The following BOLL variants were observed in gnomAD, a reference collection of about 807,000 sequenced individuals.
BOLL encodes protein boule-like.
A neutral mutation model predicts 44.4 loss-of-function variants in BOLL; 23 were observed. The ratio of observed to expected loss-of-function variants is 0.52; its 90% confidence interval spans 0.37 to 0.73. The LOEUF (loss-of-function observed/expected upper bound fraction) is 0.73. Ranked by LOEUF, BOLL falls within the 30% of genes least tolerant of loss-of-function variation. BOLL has a pLI of 0.00. For synonymous variants in BOLL, 97 were observed against 110.8 expected, an observed-to-expected ratio of 0.88 and a Z score of 0.78; for missense variants, 287 against 338.3, an observed-to-expected ratio of 0.85 and a Z score of 1.19.
At chr2:197,768,175 C>CA (rs1486311406) in intron 6 of BOLL, among the ~76,000 whole-genome samples, 1 of 151,894 alleles carries the variant, frequency 6.6e-6, no homozygotes, top group African/African-American at 2.4e-5. Flanking sequence ...ATAAATTTGA[C>CA]AAAATGTGTC....
In BOLL at chr2:197,781,777, G is replaced by C; in HGVS notation, c.74C>G (p.Pro25Arg). 6.2e-7 allele frequency: 1 copy of C among 1,606,680 alleles called. No homozygotes were observed. Among genetic ancestry groups the C allele is most frequent in the Middle Eastern group, 1.7e-4 (1 of 6,030 alleles). Reference protein sequence around the residue: ...PVPLNNPTSAPRYGTVIPNRI... With the variant: ...PVPLNNPTSARRYGTVIPNRI... ...ATTAGGGATCACTGTTCCATATCTTGGGGCACTTGTTGGGTTATTCAAAGG... is the reference window on the plus strand; with the variant it reads ...ATTAGGGATCACTGTTCCATATCTTCGGGCACTTGTTGGGTTATTCAAAGG... The change falls in exon 2 of 11, where the codon CCA becomes CGA. Residue 25 changes from proline to arginine, a missense_variant. Pro to Arg is a moderately radical substitution (Grantham distance 103). Transcript: ENST00000392296.
Position 197,728,429 on chromosome 2 carries a change from AGG to A in BOLL, c.*124_*125del. On this transcript the variant is annotated 3_prime_UTR_variant, in exon 11 of 11. Coordinates refer to ENST00000392296, the MANE Select transcript of BOLL (RefSeq NM_033030.6). ...TATAGTGGAATAACTGAGTATGGTGAGGTATTAACTAACACTAAGTTTCACAA... is the reference window on the plus strand; with the variant it reads ...TATAGTGGAATAACTGAGTATGGTGATATTAACTAACACTAAGTTTCACAA... 1 of 1,401,340 alleles carries A rather than the reference AGG, an allele frequency of 7.1e-7. No individual in the cohort carries two copies. Among genetic ancestry groups the A allele is most frequent in the Non-Finnish European group, 1.0e-6 (1 of 996,218 alleles). 86.8% of individuals were successfully genotyped at this position (1,401,340 alleles called of 1,614,324 possible). A position where few individuals can be genotyped will look rare whatever the true frequency, so the allele number is the denominator to read the frequency against.
At chr2:197,743,244 C>G in intron 9 of BOLL, 85 bp from the exon 10 acceptor site, 2 of 917,944 alleles carry the variant, frequency 2.2e-6, no homozygotes, top group Non-Finnish European at 3.1e-6. Context: ...TACTAATCAT[C>G]TAGCTATACA....
intron 10 of BOLL, among the ~76,000 whole-genome samples, chr2:197,740,981 T>C (rs569716964): frequency 5.3e-5 from 8 of 152,298 alleles, no homozygotes; most frequent in African/African-American, 1.9e-4. Context: ...TTTGGTTCCA[T>C]ATGAACTTTA....
chr2:197,739,098 G>A (rs960679669), intron 10 of BOLL, among the ~76,000 whole-genome samples: 1 of 152,024 alleles, frequency 6.6e-6, no homozygotes, highest in African/African-American at 2.4e-5. Context: ...GGGCCACTAA[G>A]TCACCTAAAG....
At chr2:197,785,349 T>C (rs1224600458), upstream of BOLL, 3 of 985,736 alleles carry the variant, frequency 3.0e-6, no homozygotes, top group African/African-American at 1.7e-5. The surrounding 1 kb of genome is among the most constrained non-coding windows in gnomAD (Gnocchi z 6.7). Flanking sequence ...CGCTCCCTGA[T>C]TGGCTGCTGG....
chr2:197,748,891 G>A (rs906528150), intron 9 of BOLL, among the ~76,000 whole-genome samples: 7 of 152,228 alleles, frequency 4.6e-5, no homozygotes. Flanking sequence ...TCTGCTAAGG[G>A]ACAGAATGCC....
rs144875010 is a variant in BOLL, at chr2:197,745,313, C to G, written c.730-2154G>C. Among the ~76,000 whole-genome samples the G allele has an allele frequency of 8.4e-3, 1,278 of 151,882 alleles. 14 individuals carry two copies. Among genetic ancestry groups the G allele is most frequent in the Admixed American group, 0.013 (202 of 15,256 alleles). On this transcript the variant is annotated intron_variant, in intron 9 of 10. Transcript: ENST00000392296. ...AAGTTCTTAATTTTAGGGAAAAAAA[C>G]ACTTCAACTGTAAACCATCCCACTC...
intron 6 of BOLL, among the ~76,000 whole-genome samples, chr2:197,768,872 G>C (rs182883467): frequency 2.7e-5 from 4 of 150,218 alleles, no homozygotes; most frequent in African/African-American, 7.4e-5. Context: ...TAGCATGAAG[G>C]GCTGTTGAAT....
intron 9 of BOLL, among the ~76,000 whole-genome samples, chr2:197,748,674 T>A (rs985061927): frequency 2.0e-4 from 30 of 152,246 alleles, no homozygotes; most frequent in African/African-American, 7.0e-4. Flanking sequence ...GTAGCCAGAC[T>A]GCCTTTCTAG....
chr2:197,757,432 T>C, intron 7 of BOLL, 32 bp from the exon 8 acceptor site: 2 of 1,587,010 alleles, frequency 1.3e-6, no homozygotes, highest in African/African-American at 1.4e-5. Context: ...GAAAAACCCA[T>C]TCTGATTATA....
At position 197,771,978 on chromosome 2, in the gene BOLL, A is replaced by G; in HGVS notation, c.357T>C (p.Ser119=). ...IRKQQVGIPR[S]SIMPAAGTMY... ...TTGTTCCAGCTGCTGGCATTATACTAGAACCTAAAGCAAAGATTAAATAAT... is the reference window on the plus strand; with the variant it reads ...TTGTTCCAGCTGCTGGCATTATACTGGAACCTAAAGCAAAGATTAAATAAT... Residue 119 remains serine, a synonymous_variant, in exon 6 of 11, where the codon TCT becomes TCC. Coordinates refer to ENST00000392296, the MANE Select transcript of BOLL (RefSeq NM_033030.6). 4.5e-6 allele frequency: 7 copies of G among 1,568,944 alleles called. No homozygotes were observed. Among genetic ancestry groups the G allele is most frequent in the Non-Finnish European group, 6.1e-6 (7 of 1,151,988 alleles).
intron 6 of BOLL, among the ~76,000 whole-genome samples, chr2:197,770,114 C>T (rs1210475636): frequency 6.6e-6 from 1 of 152,168 alleles, no homozygotes; most frequent in Non-Finnish European, 1.5e-5. Flanking sequence ...TACAAGGCTA[C>T]AGTAACCAAA....
intron 10 of BOLL, among the ~76,000 whole-genome samples, chr2:197,732,600 A>G (rs1300289707): frequency 6.6e-6 from 1 of 151,064 alleles, no homozygotes; most frequent in Non-Finnish European, 1.5e-5. Context: ...CACATCAAAA[A>G]GCTTATCCAC....
intron 7 of BOLL, among the ~76,000 whole-genome samples, chr2:197,760,019 C>T (rs1411282342): frequency 6.6e-6 from 1 of 152,170 alleles, no homozygotes; most frequent in East Asian, 1.9e-4. Flanking sequence ...CTCGTGCCCA[C>T]CCCTCCAGCA....
At chr2:197,766,206 C>T (rs886324688) in intron 7 of BOLL, among the ~76,000 whole-genome samples, 7 of 151,942 alleles carry the variant, frequency 4.6e-5, no homozygotes, top group Middle Eastern at 3.4e-3. Flanking sequence ...TACCCAGTAA[C>T]GGGTCTAATG....
chr2:197,730,522 A>G (rs1687111113), intron 10 of BOLL, among the ~76,000 whole-genome samples: 1 of 148,854 alleles, frequency 6.7e-6, no homozygotes, highest in East Asian at 1.9e-4. Context: ...CAGATTCACC[A>G]AAGTTGAAAT....
chr2:197,730,544 T>C (rs1411417294), intron 10 of BOLL, among the ~76,000 whole-genome samples: 1 of 148,992 alleles, frequency 6.7e-6, no homozygotes, highest in Non-Finnish European at 1.5e-5. Context: ...AAGGAAAAAA[T>C]GTTGAGGGCA....
chr2:197,738,274 G>T (rs1292570257), intron 10 of BOLL, among the ~76,000 whole-genome samples: 1 of 152,006 alleles, frequency 6.6e-6, no homozygotes, highest in African/African-American at 2.4e-5. Context: ...TAGAGATGGG[G>T]TCTCGCCATA....
Sources: allele counts gnomAD v4.1 joint callset (sites outside exome capture counted in the v4.1 genomes callset), GRCh38; gene constraint gnomAD v4.1.1; non-coding constraint Gnocchi (gnomAD v3.1); transcripts MANE v1.5; gene names NCBI Gene and HGNC (gene_info 2026-07-23, HGNC 2026-07-21).